PITPNB: variants seen among roughly 807,000 people sequenced by gnomAD.
PITPNB encodes phosphatidylinositol transfer protein beta.
In PITPNB, 16 loss-of-function variants were observed where a neutral mutation model predicts 45.9. The ratio of observed to expected loss-of-function variants is 0.35; its 90% confidence interval spans 0.24 to 0.53. The LOEUF is 0.53. Ranked by LOEUF, PITPNB falls within the 20% of genes least tolerant of loss-of-function variation. The pLI, the probability that PITPNB is intolerant of heterozygous loss-of-function variation, is 0.93. For synonymous variants in PITPNB, 112 were observed against 108.9 expected (o/e 1.03, Z -0.18); for missense variants, 188 against 330.5 (o/e 0.57, Z 3.34).
intron 3 of PITPNB, among the ~76,000 whole-genome samples, chr22:27,909,759 T>C (rs1047750977): frequency 6.6e-6 from 1 of 152,124 alleles, no homozygotes; most frequent in Non-Finnish European, 1.5e-5. Context: ...CTAAGGCATA[T>C]AGACACATGT....
At chr22:27,881,285 A>G (rs1934965116) in intron 7 of PITPNB, among the ~76,000 whole-genome samples, 1 of 152,208 alleles carries the variant, frequency 6.6e-6, no homozygotes, top group African/African-American at 2.4e-5. Context: ...CACTGCTACC[A>G]CAAAACGTGT....
chr22:27,896,170 A>G (rs370416008), intron 6 of PITPNB, among the ~76,000 whole-genome samples: 2 of 152,324 alleles, frequency 1.3e-5, no homozygotes, highest in South Asian at 2.1e-4. Context: ...CAAAGCAGAC[A>G]AGAGGTAAAA....
chr22:27,884,224 G>C (rs1316594166), intron 7 of PITPNB, among the ~76,000 whole-genome samples: 4 of 152,200 alleles, frequency 2.6e-5, no homozygotes, highest in Non-Finnish European at 4.4e-5. Flanking sequence ...CCCCCTGGGG[G>C]GGACATCTGC....
At chr22:27,909,950 C>CTTTTT (rs544649700) in intron 3 of PITPNB, among the ~76,000 whole-genome samples, 1 of 130,316 alleles carries the variant, frequency 7.7e-6, no homozygotes. Context: ...CCACTAATTT[C>CTTTTT]TTTTTTTTTT....
chr22:27,901,445 T>C (rs1469000683), intron 3 of PITPNB, among the ~76,000 whole-genome samples: 1 of 152,152 alleles, frequency 6.6e-6, no homozygotes, highest in African/African-American at 2.4e-5. Context: ...CAGAAAAATA[T>C]AGGGAAGAAT....
intron 1 of PITPNB, among the ~76,000 whole-genome samples, chr22:27,916,675 C>T (rs981794924): frequency 8.6e-5 from 13 of 151,938 alleles, no homozygotes; most frequent in Admixed American, 1.3e-4. Context: ...TGGTGGCGTG[C>T]GCCTGTAGTC....
chr22:27,873,984 TG>T (rs771825920), intron 7 of PITPNB, among the ~76,000 whole-genome samples, 169 bp from the exon 8 acceptor site: 2 of 152,256 alleles, frequency 1.3e-5, no homozygotes, highest in Non-Finnish European at 2.9e-5. Context: ...GTTTTCAGTT[TG>T]GTTTCCTTTG....
At position 27,875,754 on chromosome 22, in the gene PITPNB, C is replaced by T. The variant is rs111326783; in HGVS notation, c.457-1939G>A. ...ACCATATAGAAGGTAGCACACCAGA[C>T]GTTATTAGTAAGAGGTAATTCAAGG... On this transcript the variant is annotated intron_variant, in intron 7 of 11. Coordinates refer to ENST00000335272, the MANE Select transcript of PITPNB (RefSeq NM_012399.5). Among the ~76,000 whole-genome samples, 1,131 of 152,100 alleles carry T rather than the reference C, an allele frequency of 7.4e-3. 10 individuals are homozygous for T. Among genetic ancestry groups the T allele is most frequent in the African/African-American group, 0.025 (1,027 of 41,480 alleles).
chr22:27,874,856 C>T (rs920386588), intron 7 of PITPNB, among the ~76,000 whole-genome samples: 1 of 152,192 alleles, frequency 6.6e-6, no homozygotes, highest in African/African-American at 2.4e-5. Flanking sequence ...AGACCCCATA[C>T]TTAGTGAAAA....
intron 3 of PITPNB, among the ~76,000 whole-genome samples, chr22:27,909,552 TAAAG>T (rs1034299277): frequency 7.2e-5 from 11 of 152,032 alleles, no homozygotes; most frequent in Admixed American, 2.0e-4. Context: ...ACCTCACTAA[TAAAG>T]AAATACAAAT....
chr22:27,912,000 A>G (rs1435369526), intron 2 of PITPNB, among the ~76,000 whole-genome samples: 1 of 152,188 alleles, frequency 6.6e-6, no homozygotes, highest in Non-Finnish European at 1.5e-5. Flanking sequence ...CAGTGACCCA[A>G]CTGTGGCACT....
intron 8 of PITPNB, among the ~76,000 whole-genome samples, chr22:27,862,221 A>C (rs1159879154): frequency 6.6e-6 from 1 of 152,214 alleles, no homozygotes; most frequent in Non-Finnish European, 1.5e-5. Flanking sequence ...CATTCAAAAA[A>C]TGATTAATTT....
At chr22:27,918,700 C>A (rs551720570) in intron 1 of PITPNB, among the ~76,000 whole-genome samples, 2 of 152,364 alleles carry the variant, frequency 1.3e-5, no homozygotes, top group East Asian at 3.9e-4. Flanking sequence ...AGTCCTGACA[C>A]GAGGGCTGCC....
intron 3 of PITPNB, among the ~76,000 whole-genome samples, chr22:27,909,540 C>T (rs1935859242): frequency 1.3e-5 from 2 of 152,072 alleles, no homozygotes; most frequent in African/African-American, 4.8e-5. Context: ...AAAAGACATT[C>T]AACCTCACTA....
intron 8 of PITPNB, among the ~76,000 whole-genome samples, chr22:27,872,180 A>G (rs1441486863): frequency 5.4e-5 from 7 of 129,492 alleles, no homozygotes; most frequent in Non-Finnish European, 9.2e-5. Flanking sequence ...TGCAACCTCT[A>G]CCTCCCGGGT....
intron 9 of PITPNB, among the ~76,000 whole-genome samples, chr22:27,859,831 C>T (rs2146348181): frequency 6.6e-6 from 1 of 152,300 alleles, no homozygotes; most frequent in Non-Finnish European, 1.5e-5. Flanking sequence ...AACACCAGGT[C>T]CTCTTGGGGA....
chr22:27,914,941 T>C (rs1048146507), intron 1 of PITPNB, among the ~76,000 whole-genome samples: 8 of 152,220 alleles, frequency 5.3e-5, no homozygotes, highest in African/African-American at 1.9e-4. Context: ...ATATACAATA[T>C]AAGGTTGACA....
At chr22:27,866,471 T>C (rs1934488646) in intron 8 of PITPNB, among the ~76,000 whole-genome samples, 2 of 152,188 alleles carry the variant, frequency 1.3e-5, no homozygotes, top group Admixed American at 1.3e-4. Context: ...GAGCAATCAG[T>C]ACATGTTATC....
At chr22:27,872,525 T>C (rs937601199) in intron 8 of PITPNB, among the ~76,000 whole-genome samples, 1 of 152,184 alleles carries the variant, frequency 6.6e-6, no homozygotes, top group Non-Finnish European at 1.5e-5. Context: ...GAAAATAATA[T>C]AGTTATGAAT....
Sources: gnomAD v4.1 joint callset for allele counts (sites outside exome capture counted in the v4.1 genomes callset) on GRCh38, gnomAD v4.1.1 for gene constraint, MANE v1.5 for transcripts, NCBI Gene and HGNC (gene_info 2026-07-23, HGNC 2026-07-21) for gene names.